CFTR: variants seen among roughly 807,000 people sequenced by gnomAD.
CFTR encodes cystic fibrosis transmembrane conductance regulator.
CFTR carries 181 observed loss-of-function variants against 171.6 expected under a neutral mutation model. The observed-to-expected ratio is 1.05, with a 90% CI of 0.93 to 1.19. The LOEUF (loss-of-function observed/expected upper bound fraction) is 1.19, where lower values mean the gene tolerates loss of function less well. Ranked by LOEUF, CFTR falls within the 50% of genes most tolerant of loss-of-function variation. CFTR has a pLI of 0.00. For synonymous variants in CFTR, 583 were observed against 608.0 expected (o/e 0.96, Z 0.60); for missense variants, 1,968 against 1,734.7 (o/e 1.13, Z -2.39).
At chr7:117,500,829 CT>C (rs1414792710) in intron 1 of CFTR, among the ~76,000 whole-genome samples, 3 of 152,092 alleles carry the variant, frequency 2.0e-5, no homozygotes, top group Non-Finnish European at 4.4e-5. Flanking sequence ...CTTTATATTA[CT>C]GAATTTGTTT....
intron 3 of CFTR, among the ~76,000 whole-genome samples, chr7:117,529,465 A>G (rs1427404101): frequency 6.4e-5 from 9 of 141,554 alleles, no homozygotes; most frequent in African/African-American, 2.4e-4. Flanking sequence ...ATGTATACAT[A>G]TGTAACTAAC....
At chr7:117,615,755 A>T (rs920152553) in intron 21 of CFTR, among the ~76,000 whole-genome samples, 12 of 151,942 alleles carry the variant, frequency 7.9e-5, no homozygotes, top group Non-Finnish European at 1.6e-4. Context: ...AAAGGAAATG[A>T]TGCACATTTA....
At chr7:117,539,993 A>G in intron 7 of CFTR, 107 bp from the exon 8 acceptor site, 1 of 946,846 alleles carries the variant, frequency 1.1e-6, no homozygotes, top group Non-Finnish European at 1.6e-6. Flanking sequence ...GGTTAAAAAT[A>G]TAGGCAGAAA....
At chr7:117,515,844 T>C (rs1294494916) in intron 3 of CFTR, among the ~76,000 whole-genome samples, 2 of 152,214 alleles carry the variant, frequency 1.3e-5, no homozygotes, top group Admixed American at 1.3e-4. Flanking sequence ...TGGTTTGTAG[T>C]TCTCCTTAAA....
chr7:117,587,501 A>C (rs1791955051), intron 11 of CFTR, among the ~76,000 whole-genome samples: 1 of 152,190 alleles, frequency 6.6e-6, no homozygotes, highest in Admixed American at 6.5e-5. Flanking sequence ...ATTATTATTT[A>C]ATGATCATTC....
At chr7:117,623,999 T>C (rs943706405) in intron 21 of CFTR, among the ~76,000 whole-genome samples, 2 of 152,140 alleles carry the variant, frequency 1.3e-5, no homozygotes, top group Non-Finnish European at 2.9e-5. Context: ...TGGATTCTTT[T>C]TTTTTTAAGA....
At chr7:117,544,590 C>T (rs1416446372) in intron 9 of CFTR, among the ~76,000 whole-genome samples, 1 of 152,336 alleles carries the variant, frequency 6.6e-6, no homozygotes, top group East Asian at 1.9e-4. Context: ...CTGAACTACT[C>T]TATTTTGCTT....
intron 20 of CFTR, among the ~76,000 whole-genome samples, chr7:117,613,999 CTT>C (rs752774658): frequency 2.5e-4 from 18 of 72,482 alleles, no homozygotes; most frequent in African/African-American, 7.3e-4. Context: ...GTACAGTAAT[CTT>C]TTTTTTTTTT....
At chr7:117,500,555 G>A (rs1008457982) in intron 1 of CFTR, among the ~76,000 whole-genome samples, 5 of 152,018 alleles carry the variant, frequency 3.3e-5, no homozygotes, top group African/African-American at 1.2e-4. Flanking sequence ...CTCCCAAAGT[G>A]CTGGGATTAC....
intron 22 of CFTR, among the ~76,000 whole-genome samples, 198 bp from the exon 23 acceptor site, chr7:117,642,240 C>A (rs991854449): frequency 2.6e-5 from 4 of 152,152 alleles, no homozygotes; most frequent in Admixed American, 6.6e-5. Context: ...CTATTCTGTT[C>A]CAAGGTTGTT....
intron 11 of CFTR, among the ~76,000 whole-genome samples, chr7:117,575,437 G>T (rs1001341961): frequency 6.6e-6 from 1 of 152,012 alleles, no homozygotes; most frequent in African/African-American, 2.4e-5. Context: ...TTATTGTGGT[G>T]GCCATGAGAT....
chr7:117,497,971 C>T (rs1026546951), intron 1 of CFTR, among the ~76,000 whole-genome samples: 1 of 152,040 alleles, frequency 6.6e-6, no homozygotes, highest in East Asian at 1.9e-4. Context: ...ATTTTCTTAA[C>T]ATACGTCTGT....
intron 3 of CFTR, among the ~76,000 whole-genome samples, chr7:117,512,887 G>A (rs2116646898): frequency 6.6e-6 from 1 of 152,270 alleles, no homozygotes; most frequent in South Asian, 2.1e-4. Flanking sequence ...ATATGTCAGT[G>A]CAGCCTAGGT....
At chr7:117,507,536 G>T (rs1313366812) in intron 2 of CFTR, among the ~76,000 whole-genome samples, 2 of 152,196 alleles carry the variant, frequency 1.3e-5, no homozygotes, top group African/African-American at 2.4e-5. Flanking sequence ...TTTCTCCTTT[G>T]ATGGAGAAGG....
chr7:117,618,682 G>A (rs1262959624), intron 21 of CFTR, among the ~76,000 whole-genome samples: 1 of 152,104 alleles, frequency 6.6e-6, no homozygotes, highest in Non-Finnish European at 1.5e-5. Flanking sequence ...TTTCCGTTCA[G>A]TATCTCCTTA....
intron 1 of CFTR, among the ~76,000 whole-genome samples, chr7:117,496,784 T>C (rs1438785108): frequency 3.3e-5 from 5 of 152,220 alleles, no homozygotes; most frequent in African/African-American, 9.6e-5. Flanking sequence ...CATTTTAAAT[T>C]CCTTCCACCA....
At chr7:117,612,982 T>C (rs1051985044) in intron 20 of CFTR, among the ~76,000 whole-genome samples, 38 of 152,130 alleles carry the variant, frequency 2.5e-4, no homozygotes, top group African/African-American at 8.9e-4. Flanking sequence ...CAGCTTCCTT[T>C]TGGCTCAGGG....
At chr7:117,618,012 A>G (rs980226391) in intron 21 of CFTR, among the ~76,000 whole-genome samples, 12 of 152,136 alleles carry the variant, frequency 7.9e-5, no homozygotes, top group African/African-American at 2.9e-4. Context: ...CAGCTCCAGC[A>G]GTATTTATGC....
At chr7:117,566,341 A>C (rs1382427005) in intron 11 of CFTR, among the ~76,000 whole-genome samples, 1 of 151,978 alleles carries the variant, frequency 6.6e-6, no homozygotes, top group East Asian at 1.9e-4. Flanking sequence ...AGGCTGAGGC[A>C]TGAGAATAGC....
Sources: allele counts gnomAD v4.1 joint callset (sites outside exome capture counted in the v4.1 genomes callset), GRCh38; gene constraint gnomAD v4.1.1; transcripts MANE v1.5; gene names NCBI Gene and HGNC (gene_info 2026-07-23, HGNC 2026-07-21).